CLUH: variants seen among roughly 807,000 people sequenced by gnomAD.
CLUH encodes the protein CLUH binding protein of NUMT mRNA.
Under a neutral mutation model 139.3 loss-of-function variants are expected in CLUH, and 77 were observed. The ratio of observed to expected loss-of-function variants is 0.55; its 90% CI spans 0.46 to 0.67. The LOEUF is 0.67. Among genes scored for constraint, CLUH ranks in the 30% least tolerant of loss-of-function variants. The probability of loss-of-function intolerance (pLI) is 0.00; values close to 1 mark genes in which losing one functional copy is unlikely to be tolerated. For missense variants in CLUH, 1,876 were observed against 1,875.8 expected, an observed-to-expected ratio of 1.00 and a Z score of 0.00; for synonymous variants, 999 against 801.6, an observed-to-expected ratio of 1.25 and a Z score of -4.16.
At chr17:2,696,636 G>A (rs2069957269) in intron 11 of CLUH, 83 bp downstream of exon 11, 48 of 1,556,106 alleles carry the variant, frequency 3.1e-5, no homozygotes, top group Non-Finnish European at 4.2e-5. Context: ...AGAGATGTCT[G>A]CCAGCCTCTC....
chr17:2,696,090 A>T (rs2069929525), intron 13 of CLUH, 69 bp downstream of exon 13: 1 of 1,290,436 alleles, frequency 7.7e-7, no homozygotes, highest in Admixed American at 2.1e-5. Flanking sequence ...TGGGCCTCCA[A>T]GTCGGAGACA....
In CLUH at chr17:2,707,520, C is replaced by T. The variant is rs1823635406; in HGVS notation, c.101-2956G>A. 1.0e-6 allele frequency: 1 copy of T among 985,406 alleles called. No individual in the cohort carries two copies. The highest frequency in any genetic ancestry group is 1.2e-6 in the Non-Finnish European group (1 of 829,914). 61.0% of individuals were successfully genotyped at this position (985,406 alleles called of 1,614,324 possible). A position where few individuals can be genotyped will look rare whatever the true frequency, so the allele number is the denominator to read the frequency against. The stretch of plus-strand genomic sequence containing the variant: ...AGCACTCAGGCCCACCTCCCTATGC[C>T]CCCTAGAGAGGGGGTCACTGCCGGC... On this transcript the variant is annotated intron_variant, in intron 1 of 25. Coordinates refer to ENST00000651024, the MANE Select transcript of CLUH (RefSeq NM_001366661.1). The surrounding 1 kb of genome is among the most constrained non-coding windows in gnomAD (Gnocchi z 7.4).
At position 2,690,739 on chromosome 17, in the gene CLUH, C is replaced by T. The variant is rs1470713258; in HGVS notation, c.3902G>A (p.Arg1301Gln). The part of the protein sequence containing the change: ...DLENLKAEVA[R>Q]RHQLQEASRN... ...GCTGGCCTCCTGGAGCTGGTGCCGC[C>T]GCGCCACCTCGGCTTTCAGATTCTC... The change falls in exon 26 of 26, where the codon CGG becomes CAG. Residue 1301 changes from arginine to glutamine, a missense_variant. Arg to Gln is a conservative substitution (Grantham distance 43). Coordinates refer to ENST00000651024, the MANE Select transcript of CLUH (RefSeq NM_001366661.1). 3.2e-6 allele frequency: 5 copies of T among 1,541,590 alleles called. No individual in the cohort carries two copies. The highest frequency in any genetic ancestry group is 1.4e-5 in the African/African-American group (1 of 70,476).
chr17:2,690,475 G>A lies in CLUH; in HGVS notation c.*119C>T. 1.1e-6 allele frequency: 1 copy of A among 891,768 alleles called. No homozygotes were observed. Among genetic ancestry groups the A allele is most frequent in the Non-Finnish European group, 1.6e-6 (1 of 640,458 alleles). 55.2% of individuals were successfully genotyped at this position (891,768 alleles called of 1,614,324 possible). Reference sequence around the variant, plus strand: ...CCAGGAGGACACGGGGGTGGGGTGGGGTGAGACGTGGAGGAAGAGGGCCTT... The same window carrying A: ...CCAGGAGGACACGGGGGTGGGGTGGAGTGAGACGTGGAGGAAGAGGGCCTT... On this transcript the variant is annotated 3_prime_UTR_variant, in exon 26 of 26. Transcript: ENST00000651024.
chr17:2,701,100 G>A (rs757050518), intron 7 of CLUH, 40 bp downstream of exon 7: 22 of 1,612,956 alleles, frequency 1.4e-5, no homozygotes, highest in South Asian at 4.4e-5. Context: ...CCATGCCCCC[G>A]TGTGCCATGA....
In CLUH at chr17:2,698,144, G is replaced by C. The variant is rs746021839; in HGVS notation, c.1713C>G (p.His571Gln). ...RTSRPLKILR[H>Q]QVLNDRDEEV... ...CCTCGTCACGGTCGTTGAGCACCTG[G>C]TGCCGCAGGATCTTGAGGGGCCGAC... The change falls in exon 10 of 26, where the codon CAC (histidine) becomes CAG (glutamine). Residue 571 changes from histidine (H) to glutamine (Q), a missense_variant. This residue lies in a region of CLUH where 1,454 missense variants were observed against 1,384.4 expected (regional missense o/e 1.05). Transcript: ENST00000651024. 6.3e-7 allele frequency: 1 copy of C among 1,583,704 alleles called. No individual in the cohort carries two copies. The highest frequency in any genetic ancestry group is 1.2e-5 in the South Asian group (1 of 86,930).
In CLUH at chr17:2,696,473, C is replaced by T. The variant is rs1183013515; in HGVS notation, c.2251G>A (p.Ala751Thr). 9 of 1,595,466 alleles carry T rather than the reference C, an allele frequency of 5.6e-6. No individual in the cohort carries two copies. The highest frequency in any genetic ancestry group is 1.1e-5 in the South Asian group (1 of 88,112). Reference protein sequence around the residue: ...CKAVGSISSTAFDIRFNPDIF... With the variant: ...CKAVGSISSTTFDIRFNPDIF... ...TCAGGATTGAAGCGAATGTCGAAGGCGGTGCTGCTGATGGAGCCGACCGCC... is the reference window on the plus strand; with the variant it reads ...TCAGGATTGAAGCGAATGTCGAAGGTGGTGCTGCTGATGGAGCCGACCGCC... The change falls in exon 12 of 26, where the codon GCC (alanine) becomes ACC (threonine). Residue 751 changes from alanine to threonine, a missense_variant. Physicochemically the swap from Ala to Thr is moderately conservative, Grantham distance 58. Transcript: ENST00000651024.
intron 1 of CLUH, among the ~76,000 whole-genome samples, chr17:2,708,364 G>C (rs1219036379): frequency 6.6e-6 from 1 of 152,090 alleles, no homozygotes; most frequent in Admixed American, 6.5e-5. Context: ...CGGAGAGAGG[G>C]GTGGGGCAGG....
At position 2,690,569 on chromosome 17, in the gene CLUH, G is replaced by T. The variant is rs1300524135; in HGVS notation, c.*25C>A. 10 of 1,425,860 alleles carry T rather than the reference G, an allele frequency of 7.0e-6. No homozygotes were observed. Among genetic ancestry groups the T allele is most frequent in the Admixed American group, 2.9e-5 (1 of 34,394 alleles). The allele number at this position is 1,425,860 out of a possible 1,614,324, so 88.3% of individuals were successfully genotyped here. On this transcript the variant is annotated 3_prime_UTR_variant, in exon 26 of 26. Coordinates refer to ENST00000651024, the MANE Select transcript of CLUH (RefSeq NM_001366661.1). The stretch of plus-strand genomic sequence containing the variant: ...GGGCTCCCTGGTGACGGGGCCGCTG[G>T]CTGGCTGTCCGTCTGGCTCCCTCTC...
chr17:2,692,032 T>A lies in CLUH; in HGVS notation c.3626A>T (p.Lys1209Met). Residue 1209 changes from lysine (K) to methionine (M), a missense_variant, in exon 23 of 26, where the codon AAG (lysine) becomes ATG (methionine). By Grantham distance (95) the Lys-to-Met change is moderately conservative (BLOSUM62 -1). Coordinates refer to ENST00000651024, the MANE Select transcript of CLUH (RefSeq NM_001366661.1). ...AEFRSALQHE[K>M]EGYTIYKTQL... ...CGTCTTGTAGATGGTGTAACCCTCC[T>A]TCTCGTGCTGCAGGGCCGACCGGAA... 1 of 1,584,862 alleles carries A rather than the reference T, an allele frequency of 6.3e-7. No homozygotes were observed. The highest frequency in any genetic ancestry group is 8.6e-7 in the Non-Finnish European group (1 of 1,164,886).
At position 2,694,234 on chromosome 17, in the gene CLUH, C is replaced by T. The variant is rs375997366; in HGVS notation, c.2980G>A (p.Ala994Thr). 1.7e-5 allele frequency: 28 copies of T among 1,610,700 alleles called. No individual in the cohort carries two copies. The highest frequency in any genetic ancestry group is 1.6e-4 in the Middle Eastern group (1 of 6,068). The change falls in exon 18 of 26, where the codon GCG becomes ACG. Residue 994 changes from alanine to threonine, a missense_variant. Physicochemically the swap from Ala to Thr is moderately conservative, Grantham distance 58 (BLOSUM62 0). Around this residue, in one of 3 missense-constraint regions of CLUH, gnomAD observed 1,454 missense variants for 1,384.4 expected, o/e 1.05. Transcript: ENST00000651024. Reference sequence around the variant, plus strand: ...TTGAGCACGTCCTCCTCGGTGAACGCGGGCTTGTGGCGACTGTCGAAGCTG... The same window carrying T: ...TTGAGCACGTCCTCCTCGGTGAACGTGGGCTTGTGGCGACTGTCGAAGCTG... ...EYSFDSRHKP[A>T]FTEEDVLNIF...
In CLUH at chr17:2,691,694, G is replaced by A; in HGVS notation, c.3790-12C>T. On this transcript the variant is annotated splice_polypyrimidine_tract_variant and intron_variant, in intron 24 of 25. Coordinates refer to ENST00000651024, the MANE Select transcript of CLUH (RefSeq NM_001366661.1). ...CTGGGGGCCGTGAACTGCGGGGCGG[G>A]GAAACCAGCGGTGAGCGGGGCTCCC... is the stretch of plus-strand genomic sequence containing the variant. 1 of 1,611,202 alleles carries A rather than the reference G, an allele frequency of 6.2e-7. No individual in the cohort carries two copies. Among genetic ancestry groups the A allele is most frequent in the Non-Finnish European group, 8.5e-7 (1 of 1,178,780 alleles).
chr17:2,701,939 A>G lies in CLUH; in HGVS notation c.594T>C (p.Ser198=), dbSNP rs765508798. ...CTCCCAGGTCGCCGTCGGTGAAGAC[A>G]CTCAGGAAGGACAAGGAGTTGCAGT... ...GVDCNSLSFL[S]VFTDGDLGDS... is the part of the protein sequence containing the mutation. Residue 198 remains serine, a synonymous_variant, in exon 4 of 26, where the codon AGT becomes AGC. Coordinates refer to ENST00000651024, the MANE Select transcript of CLUH (RefSeq NM_001366661.1). 6 of 1,613,862 alleles carry G rather than the reference A, an allele frequency of 3.7e-6. No homozygotes were observed. The highest frequency in any genetic ancestry group is 5.1e-6 in the Non-Finnish European group (6 of 1,179,890).
Position 2,703,469 on chromosome 17 carries a change from C to T in CLUH, c.324G>A (p.Val108=), listed in dbSNP as rs780740407. The T allele has an allele frequency of 6.8e-6, 11 of 1,613,500 alleles. No homozygotes were observed. Among genetic ancestry groups the T allele is most frequent in the African/African-American group, 1.3e-5 (1 of 74,940 alleles). Reference sequence around the variant, plus strand: ...CCATGAGCACCTGGTGAATCTCCTGCACCATCTCCTGGGGGGACACCTGCA... The same window carrying T: ...CCATGAGCACCTGGTGAATCTCCTGTACCATCTCCTGGGGGGACACCTGCA... ...FSLQVSPQEM[V]QEIHQVLMDR... is the part of the protein sequence containing the mutation. Residue 108 remains valine (V), a synonymous_variant, in exon 3 of 26, where the codon GTG becomes GTA. Coordinates refer to ENST00000651024, the MANE Select transcript of CLUH (RefSeq NM_001366661.1). The surrounding 1 kb of genome is among the most constrained non-coding windows in gnomAD (Gnocchi z 4.2).
In CLUH at chr17:2,690,036, C is replaced by CA. The variant is rs1478470479; in HGVS notation, c.*557dup. 1 of 152,494 alleles carries CA rather than the reference C, an allele frequency of 6.6e-6. No homozygotes were observed. 9.4% of individuals were successfully genotyped at this position (152,494 alleles called of 1,614,324 possible). On this transcript the variant is annotated 3_prime_UTR_variant, in exon 26 of 26. Transcript: ENST00000651024. ...TCCCGCCCCAAACTAAAGTGCACCC[C>CA]AGCCCTCCAGCCCCGCCACAGAGCT... is the stretch of plus-strand genomic sequence containing the variant.
In CLUH at chr17:2,696,779, C is replaced by T. The variant is rs1378741848; in HGVS notation, c.2125G>A (p.Ala709Thr). Reference protein sequence around the residue: ...EAGSEEEGSSASGLAKVKELA... With the variant: ...EAGSEEEGSSTSGLAKVKELA... The stretch of plus-strand genomic sequence containing the variant: ...TCCTTCACCTTGGCCAGGCCGCTGG[C>T]GCTGCTACCCTCCTCCTCACTTCCC... The change falls in exon 11 of 26, where the codon GCC (alanine) becomes ACC (threonine). Residue 709 changes from alanine to threonine, a missense_variant. Around this residue, in one of 3 missense-constraint regions of CLUH, gnomAD observed 1,454 missense variants for 1,384.4 expected, o/e 1.05. Coordinates refer to ENST00000651024, the MANE Select transcript of CLUH (RefSeq NM_001366661.1). 1.4e-5 allele frequency: 23 copies of T among 1,612,844 alleles called. No individual in the cohort carries two copies. The highest frequency in any genetic ancestry group is 2.2e-5 in the South Asian group (2 of 91,042).
intron 11 of CLUH, 76 bp from the exon 12 acceptor site, chr17:2,696,614 C>T: frequency 1.3e-6 from 2 of 1,538,458 alleles, no homozygotes; most frequent in South Asian, 1.2e-5. Flanking sequence ...GCCTCGCCCC[C>T]TAGCTCCTTG....
At position 2,695,034 on chromosome 17, in the gene CLUH, G is replaced by A; in HGVS notation, c.2675C>T (p.Pro892Leu). Residue 892 changes from proline (P) to leucine (L), a missense_variant, in exon 16 of 26, where the codon CCA (proline) becomes CTA (leucine). Around this residue, in one of 3 missense-constraint regions of CLUH, gnomAD observed 1,454 missense variants for 1,384.4 expected, o/e 1.05. Transcript: ENST00000651024. ...HFLNCFLSSY[P>L]NPVAHLPADE... is the part of the protein sequence containing the mutation. ...GGCGGGCAGGTGGGCCACGGGGTTT[G>A]GGTAGGAGCTCAGGAAGCAGTTCAG... 1 of 1,613,502 alleles carries A rather than the reference G, an allele frequency of 6.2e-7. No individual in the cohort carries two copies. The highest frequency in any genetic ancestry group is 8.5e-7 in the Non-Finnish European group (1 of 1,179,746).
intron 19 of CLUH, among the ~76,000 whole-genome samples, chr17:2,693,141 C>CAATAAAAAAAAAAAAA (rs1555529823): frequency 2.7e-5 from 2 of 73,782 alleles, no homozygotes; most frequent in Admixed American, 1.8e-4. Flanking sequence ...AAAAATGTTA[C>CAATAAAAAAAAAAAAA]AAAAAAAAAA....
Sources: gnomAD v4.1 joint callset for allele counts (sites outside exome capture counted in the v4.1 genomes callset) on GRCh38, gnomAD v4.1.1 for gene constraint, gnomAD v4.1.1 regional missense constraint, Gnocchi (gnomAD v3.1) non-coding constraint, MANE v1.5 for transcripts, NCBI Gene and HGNC (gene_info 2026-07-23, HGNC 2026-07-21) for gene names.